The following SVIL variants were observed in gnomAD, a reference collection of about 807,000 sequenced individuals.
SVIL encodes supervillin.
SVIL carries 101 observed loss-of-function variants against 240.4 expected under a neutral mutation model. The observed-to-expected ratio is 0.42, with a 90% CI of 0.36 to 0.50. The LOEUF is 0.50. Among genes scored for constraint, SVIL ranks in the 20% least tolerant of loss-of-function variants. The pLI is 0.01. For synonymous variants in SVIL, 999 were observed against 1,100.0 expected, an observed-to-expected ratio of 0.91 and a Z score of 1.82; for missense variants, 2,512 against 2,818.7, an observed-to-expected ratio of 0.89 and a Z score of 2.46.
chr10:29,590,122 C>T (rs189583417), intron 1 of SVIL, among the ~76,000 whole-genome samples: 107 of 134,670 alleles, frequency 7.9e-4, no homozygotes, highest in South Asian at 4.8e-4. Context: ...GCCAAGATTG[C>T]GCCACTGCTC....
At chr10:29,547,913 A>G (rs1299076541) in intron 6 of SVIL, among the ~76,000 whole-genome samples, 1 of 152,242 alleles carries the variant, frequency 6.6e-6, no homozygotes, top group Non-Finnish European at 1.5e-5. Context: ...AAACACAGGA[A>G]GAACTTCCTT....
chr10:29,580,195 G>A lies in SVIL; in HGVS notation c.-200-10883C>T, dbSNP rs145397038. ...AATTTAAAAAAAAAAAATTTAGCTGGGCATGGTGGCACATGCCTGCAATCC... is the reference window on the plus strand; with the variant it reads ...AATTTAAAAAAAAAAAATTTAGCTGAGCATGGTGGCACATGCCTGCAATCC... On this transcript the variant is annotated intron_variant, in intron 1 of 37. Transcript: ENST00000355867. Among the ~76,000 whole-genome samples the A allele has an allele frequency of 5.9e-3, 896 of 152,042 alleles. 6 individuals carry two copies. The highest frequency in any genetic ancestry group is 0.011 in the Non-Finnish European group (728 of 67,988).
At chr10:29,691,490 C>T (rs57269450) in intron 1 of SVIL, among the ~76,000 whole-genome samples, 32,720 of 152,054 alleles carry the variant, frequency 0.22, 3,845 homozygotes, top group African/African-American at 0.28. Context: ...GGATTACAGG[C>T]GTGAGCCACC....
chr10:29,624,166 C>CA (rs58064632), intron 1 of SVIL, among the ~76,000 whole-genome samples: 108,985 of 136,150 alleles, frequency 0.8, 43,491 homozygotes, highest in East Asian at 0.95. Context: ...AATGAGCTTT[C>CA]AAAAAAAAAA....
chr10:29,710,972 A>G (rs1474178796), intron 1 of SVIL, among the ~76,000 whole-genome samples: 1 of 152,228 alleles, frequency 6.6e-6, no homozygotes, highest in Non-Finnish European at 1.5e-5. Flanking sequence ...TCCGCAAAGA[A>G]TGTCTTCAAA....
At chr10:29,476,679 A>G (rs973153326) in intron 29 of SVIL, among the ~76,000 whole-genome samples, 1 of 152,242 alleles carries the variant, frequency 6.6e-6, no homozygotes, top group Non-Finnish European at 1.5e-5. Context: ...CTCTGGGGTT[A>G]CAAGTGTGAG....
intron 15 of SVIL, 127 bp downstream of exon 15, chr10:29,523,324 C>A (rs1463324254): frequency 9.3e-6 from 8 of 859,556 alleles, no homozygotes; most frequent in Non-Finnish European, 1.2e-5. Flanking sequence ...TCCCGCTGAA[C>A]TTTTAACCAA....
chr10:29,620,996 G>T (rs1050817248), intron 1 of SVIL, among the ~76,000 whole-genome samples: 53 of 145,384 alleles, frequency 3.6e-4, no homozygotes, highest in Admixed American at 6.9e-4. Flanking sequence ...TAGATATGGC[G>T]TCTCACTATA....
chr10:29,691,413 G>A (rs1392817777), intron 1 of SVIL, among the ~76,000 whole-genome samples: 2 of 151,964 alleles, frequency 1.3e-5, no homozygotes, highest in African/African-American at 4.8e-5. Flanking sequence ...GTGTTTCACC[G>A]TGTTAGGCAG....
intron 36 of SVIL, among the ~76,000 whole-genome samples, chr10:29,459,243 T>C (rs1943936932): frequency 6.6e-6 from 1 of 152,226 alleles, no homozygotes. Flanking sequence ...CCTGAGTAGC[T>C]GGCACTATTG....
chr10:29,612,167 T>C (rs1382004992), intron 1 of SVIL, among the ~76,000 whole-genome samples: 1 of 152,022 alleles, frequency 6.6e-6, no homozygotes, highest in Non-Finnish European at 1.5e-5. Flanking sequence ...CAGGGTAGCA[T>C]GTGCCAGCCA....
At chr10:29,603,641 G>T (rs367760116) in intron 1 of SVIL, among the ~76,000 whole-genome samples, 1 of 152,128 alleles carries the variant, frequency 6.6e-6, no homozygotes, top group South Asian at 2.1e-4. Context: ...GTGATGAAAT[G>T]ATATAGGAAT....
Position 29,505,692 on chromosome 10 carries a change from C to T in SVIL, c.3517-6429G>A, listed in dbSNP as rs548991249. On this transcript the variant is annotated intron_variant, in intron 17 of 37. Transcript: ENST00000355867. Reference sequence around the variant, plus strand: ...TCTATTAACTTTGGGGATAATGACGCGTCAACGTAGGTTCATCAATGGTAG... The same window carrying T: ...TCTATTAACTTTGGGGATAATGACGTGTCAACGTAGGTTCATCAATGGTAG... Among the ~76,000 whole-genome samples the T allele has an allele frequency of 9.9e-5, 15 of 152,208 alleles. No individual in the cohort carries two copies. In the East Asian group the frequency reaches 2.7e-3, roughly 27 times the overall value.
At chr10:29,543,044 T>C (rs1952309294) in intron 6 of SVIL, among the ~76,000 whole-genome samples, 1 of 152,146 alleles carries the variant, frequency 6.6e-6, no homozygotes, top group South Asian at 2.1e-4. Context: ...CCACAGAAAG[T>C]GGAAGTGACT....
At position 29,470,557 on chromosome 10, in the gene SVIL, C is replaced by T; in HGVS notation, c.5636-74G>A. ...CAGCAAACGCGGCCCTTCCTAGTGTCCGCTGTGTCGTCCAAGGCAGCCACC... is the reference window on the plus strand; with the variant it reads ...CAGCAAACGCGGCCCTTCCTAGTGTTCGCTGTGTCGTCCAAGGCAGCCACC... On this transcript the variant is annotated intron_variant, in intron 31 of 37. Coordinates refer to ENST00000355867, the MANE Select transcript of SVIL (RefSeq NM_021738.3). The T allele has an allele frequency of 1.9e-6, 3 of 1,558,964 alleles. No individual in the cohort carries two copies. The South Asian group carries it at 3.4e-5, about 18-fold the overall frequency.
chr10:29,725,549 A>G (rs1427679672), intron 1 of SVIL, among the ~76,000 whole-genome samples: 23 of 152,136 alleles, frequency 1.5e-4, no homozygotes, highest in Admixed American at 1.4e-3. Context: ...GGGTTCATTT[A>G]AAGAACAGAT....
In SVIL at chr10:29,619,720, A is replaced by G. The variant is rs529448904; in HGVS notation, c.-201+14700T>C. On this transcript the variant is annotated intron_variant, in intron 1 of 37. Transcript: ENST00000355867. ...CATTTCTAATTTTAAATTTGAGTTA[A>G]CAAACACCAAAGCATAAGCTGAGGG... Among the ~76,000 whole-genome samples the G allele has an allele frequency of 2.6e-5, 4 of 152,370 alleles. No individual in the cohort carries two copies. In the East Asian group the frequency reaches 7.7e-4, roughly 29 times the overall value.
chr10:29,680,024 A>T (rs76826002), intron 2 of SVIL, among the ~76,000 whole-genome samples: 67 of 152,212 alleles, frequency 4.4e-4, no homozygotes, highest in Non-Finnish European at 7.2e-4. Flanking sequence ...TCCTAAAAAT[A>T]AAAAATTAAA....
intron 7 of SVIL, 65 bp from the exon 8 acceptor site, chr10:29,533,523 C>A (rs745796657): frequency 2.1e-4 from 328 of 1,525,646 alleles, no homozygotes; most frequent in Admixed American, 6.4e-4. Flanking sequence ...GGAAAGCATG[C>A]GTAGATCACA....
Sources: allele counts gnomAD v4.1 joint callset (sites outside exome capture counted in the v4.1 genomes callset), GRCh38; gene constraint gnomAD v4.1.1; transcripts MANE v1.5; gene names NCBI Gene and HGNC (gene_info 2026-07-23, HGNC 2026-07-21).